The following OPA3 variants were observed in gnomAD, a reference collection of about 807,000 sequenced individuals.
OPA3 encodes the protein optic atrophy 3 protein.
In OPA3, 6 loss-of-function variants were observed where a neutral mutation model predicts 4.0. The ratio of observed to expected loss-of-function variants is 1.51; its 90% CI spans 0.83 to 2.99. The LOEUF is 2.99. Among genes scored for constraint, OPA3 ranks in the 30% most tolerant of loss-of-function variants. The pLI is 0.00. For synonymous variants in OPA3, 105 were observed against 117.1 expected, an observed-to-expected ratio of 0.90 and a Z score of 0.67; for missense variants, 235 against 256.2, an observed-to-expected ratio of 0.92 and a Z score of 0.56.
At chr19:45,569,229 C>T (rs895623457) in intron 1 of OPA3, among the ~76,000 whole-genome samples, 18 of 152,162 alleles carry the variant, frequency 1.2e-4, no homozygotes, top group African/African-American at 4.3e-4. Context: ...AAGGCCAAGG[C>T]AGACAGATTA....
chr19:45,556,624 C>T (rs1162115436), intron 1 of OPA3, among the ~76,000 whole-genome samples: 2 of 152,170 alleles, frequency 1.3e-5, no homozygotes, highest in African/African-American at 4.8e-5. Context: ...TCCCAAAGTA[C>T]TGGGACGACA....
At chr19:45,537,396 C>CAAAAAAAAAAAAAAAAAA (rs1181396046) in intron 1 of OPA3, among the ~76,000 whole-genome samples, 5 of 28,912 alleles carry the variant, frequency 1.7e-4, no homozygotes, top group African/African-American at 4.7e-4. Context: ...GACTCTGTCT[C>CAAAAAAAAAAAAAAAAAA]AAAAAAAAAA....
rs1301187833 is a variant in OPA3 at position 45,529,577 on chromosome 19, G to A, written c.143-121C>T. 7 of 1,269,196 alleles carry A rather than the reference G, an allele frequency of 5.5e-6. No homozygotes were observed. In the Admixed American group the frequency reaches 1.3e-4, roughly 24 times the overall value. 78.6% of individuals were successfully genotyped at this position (1,269,196 alleles called of 1,614,324 possible). The stretch of plus-strand genomic sequence containing the variant: ...ATGTGGTCACCACAATCGGACGCGT[G>A]CTGGCGGGGACGCCTTAACGAAGAC... On this transcript the variant is annotated intron_variant, in intron 1 of 1. Transcript: ENST00000323060.
chr19:45,533,315 C>T (rs1969080199), intron 1 of OPA3, among the ~76,000 whole-genome samples: 1 of 152,102 alleles, frequency 6.6e-6, no homozygotes, highest in Non-Finnish European at 1.5e-5. Flanking sequence ...CTGCCTCAGC[C>T]TCCCGAGTAG....
At chr19:45,545,710 CTTTTTT>C (rs991429583), downstream of OPA3, among the ~76,000 whole-genome samples, 1 of 129,536 alleles carries the variant, frequency 7.7e-6, no homozygotes, top group Admixed American at 8.0e-5. Context: ...ACATGCTTTT[CTTTTTT>C]TTTTTTTTTT....
chr19:45,550,730 T>G lies in OPA3; in HGVS notation c.*2784A>C, dbSNP rs1969320055. The G allele has an allele frequency of 1.4e-5, 14 of 985,892 alleles. No homozygotes were observed. Among genetic ancestry groups the G allele is most frequent in the Non-Finnish European group, 1.7e-5 (14 of 830,008 alleles). 61.1% of individuals were successfully genotyped at this position (985,892 alleles called of 1,614,324 possible). A position where few individuals can be genotyped will look rare whatever the true frequency, so the allele number is the denominator to read the frequency against. On this transcript the variant is annotated 3_prime_UTR_variant, in exon 2 of 2. Coordinates refer to ENST00000263275, the MANE Select transcript of OPA3 (RefSeq NM_025136.4). ...TGATTTTAATAAGCTCTGTACCCAT[T>G]GTGGAGATCCACATGGTGGTTCAGG... is the stretch of plus-strand genomic sequence containing the variant.
intron 1 of OPA3, among the ~76,000 whole-genome samples, chr19:45,558,722 G>T (rs1349499786): frequency 6.8e-6 from 1 of 146,508 alleles, no homozygotes; most frequent in Non-Finnish European, 1.5e-5. Flanking sequence ...ATGTTCTGCT[G>T]TTTTTTTTTT....
chr19:45,537,410 A>AAAAAAAAAAAAAAG lies in OPA3; in HGVS notation c.143-7955_143-7954insCTTTTTTTTTTTTT, dbSNP rs1555730890. Among the ~76,000 whole-genome samples, 99 of 120,094 alleles carry AAAAAAAAAAAAAAG rather than the reference A, an allele frequency of 8.2e-4. 2 individuals carry two copies. The highest frequency in any genetic ancestry group is 1.5e-3 in the East Asian group (5 of 3,446). The allele number at this position is 120,094 out of a possible 152,430, so 78.8% of individuals were successfully genotyped here. A position where few individuals can be genotyped will look rare whatever the true frequency, so the allele number is the denominator to read the frequency against. On this transcript the variant is annotated intron_variant, in intron 1 of 1. Coordinates refer to the OPA3 transcript ENST00000323060. ...AGACTCTGTCTCAAAAAAAAAAAAA[A>AAAAAAAAAAAAAAG]AAAAAAAAAAAACAAGAAAAGAACT...
chr19:45,584,550 C>CCAT (rs1296731152), intron 1 of OPA3, 73 bp downstream of exon 1: 1 of 1,611,500 alleles, frequency 6.2e-7, no homozygotes, highest in African/African-American at 1.3e-5. Flanking sequence ...AGACAGAAGT[C>CCAT]CATCCCCTAA....
Position 45,548,685 on chromosome 19 carries a change from G to A in OPA3, c.*4829C>T, listed in dbSNP as rs1425153456. On this transcript the variant is annotated 3_prime_UTR_variant, in exon 2 of 2. Coordinates refer to ENST00000263275, the MANE Select transcript of OPA3 (RefSeq NM_025136.4). ...TATTTTTTTTTTTTTTGCGGGAGAC[G>A]CCCTACCAAGGACACTGGGTCCATG... The A allele has an allele frequency of 1.6e-5, 16 of 980,796 alleles. No homozygotes were observed. Among genetic ancestry groups the A allele is most frequent in the Middle Eastern group, 5.2e-4 (1 of 1,934 alleles). The allele number at this position is 980,796 out of a possible 1,614,324, so 60.8% of individuals were successfully genotyped here.
chr19:45,554,961 T>A (rs949279396), intron 1 of OPA3, among the ~76,000 whole-genome samples: 4 of 152,050 alleles, frequency 2.6e-5, no homozygotes, highest in African/African-American at 9.7e-5. Flanking sequence ...CGTCTAATTT[T>A]TCGTATTTTT....
intron 1 of OPA3, among the ~76,000 whole-genome samples, chr19:45,573,891 G>A (rs769377722): frequency 2.2e-4 from 34 of 152,138 alleles, no homozygotes; most frequent in Middle Eastern, 3.4e-3. Flanking sequence ...GGCTGGGTGC[G>A]GTGGCTCACG....
intron 1 of OPA3, among the ~76,000 whole-genome samples, chr19:45,530,757 C>A (rs547161234): frequency 3.9e-4 from 59 of 151,294 alleles, no homozygotes; most frequent in African/African-American, 1.3e-3. Flanking sequence ...CCATGCCCAG[C>A]CTTTATTTAT....
chr19:45,540,905 C>G (rs58369560), intron 1 of OPA3, among the ~76,000 whole-genome samples: 20,201 of 152,110 alleles, frequency 0.13, 1,443 homozygotes, highest in South Asian at 0.27. Flanking sequence ...GGTGGGGGTT[C>G]ACAGTCTCTA....
chr19:45,530,962 T>TG (rs1969054592), intron 1 of OPA3, among the ~76,000 whole-genome samples: 1 of 103,656 alleles, frequency 9.6e-6, no homozygotes, highest in East Asian at 2.7e-4. Flanking sequence ...TTTTTTTTTT[T>TG]GCATTTTAGT....
At chr19:45,563,019 C>T (rs928621734) in intron 1 of OPA3, among the ~76,000 whole-genome samples, 4 of 152,172 alleles carry the variant, frequency 2.6e-5, no homozygotes, top group Non-Finnish European at 5.9e-5. Context: ...GACCTTCTCA[C>T]CCATTTGCTG....
chr19:45,557,516 C>T (rs1969439453), intron 1 of OPA3, among the ~76,000 whole-genome samples: 1 of 152,136 alleles, frequency 6.6e-6, no homozygotes, highest in African/African-American at 2.4e-5. Context: ...TCAGCACATC[C>T]AAACCTGAAC....
At position 45,553,876 on chromosome 19, in the gene OPA3, T is replaced by C; in HGVS notation, c.178A>G (p.Ile60Val). 4 of 1,610,490 alleles carry C rather than the reference T, an allele frequency of 2.5e-6. No homozygotes were observed. The highest frequency in any genetic ancestry group is 3.4e-6 in the Non-Finnish European group (4 of 1,177,382). The change falls in exon 2 of 2, where the codon ATC becomes GTC. Residue 60 changes from isoleucine to valine, a missense_variant. Coordinates refer to ENST00000263275, the MANE Select transcript of OPA3 (RefSeq NM_025136.4). ...HWVEMRTKMR[I>V]MGFRGTVIKP... is the part of the protein sequence containing the mutation. ...ATGACCGTGCCCCGGAAGCCCATGA[T>C]GCGCATCTTGGTCCGCATCTCCACC... is the stretch of plus-strand genomic sequence containing the variant.
chr19:45,577,748 G>GT (rs1386889466), intron 1 of OPA3, among the ~76,000 whole-genome samples: 1 of 152,196 alleles, frequency 6.6e-6, no homozygotes, highest in African/African-American at 2.4e-5. Context: ...CTGAAGGGAT[G>GT]TCCTTAGGAG....
Sources: allele counts gnomAD v4.1 joint callset (sites outside exome capture counted in the v4.1 genomes callset), GRCh38; gene constraint gnomAD v4.1.1; transcripts MANE v1.5; gene names NCBI Gene and HGNC (gene_info 2026-07-23, HGNC 2026-07-21).